ERBIN: variants seen among roughly 807,000 people sequenced by gnomAD.
ERBIN encodes densin-180-like protein.
A neutral mutation model predicts 158.4 loss-of-function variants in ERBIN; 60 were observed. The ratio of observed to expected loss-of-function variants is 0.38; its 90% CI spans 0.31 to 0.47. The LOEUF is 0.47. Among genes scored for constraint, ERBIN ranks in the 20% least tolerant of loss-of-function variants. The probability of loss-of-function intolerance (pLI) is 0.99; values close to 1 mark genes in which losing one functional copy is unlikely to be tolerated. For missense variants in ERBIN, 1,610 were observed against 1,648.0 expected (o/e 0.98, Z 0.40); for synonymous variants, 594 against 557.2 (o/e 1.07, Z -0.93).
intron 13 of ERBIN, among the ~76,000 whole-genome samples, chr5:66,027,625 G>A (rs1328917240): frequency 6.6e-6 from 1 of 151,794 alleles, no homozygotes. Flanking sequence ...ATTTTAATAG[G>A]TATTATAAGT....
At chr5:65,965,389 T>G (rs1177291761) in intron 1 of ERBIN, among the ~76,000 whole-genome samples, 129 of 5,554 alleles carry the variant, frequency 0.023, no homozygotes, top group African/African-American at 0.043. Flanking sequence ...GTTGTTTTTT[T>G]TTTTTTTTTT....
intron 1 of ERBIN, among the ~76,000 whole-genome samples, chr5:65,932,261 C>A (rs552017632): frequency 6.6e-6 from 1 of 150,676 alleles, no homozygotes; most frequent in South Asian, 2.1e-4. Context: ...ATTGCCTGAA[C>A]TCGGGAGGTG....
At position 65,967,598 on chromosome 5, in the gene ERBIN, G is replaced by A. The variant is rs116240792; in HGVS notation, c.-57-21037G>A. Among the ~76,000 whole-genome samples the A allele has an allele frequency of 6.3e-3, 964 of 152,282 alleles. 16 individuals carry two copies. Among genetic ancestry groups the A allele is most frequent in the African/African-American group, 0.022 (925 of 41,550 alleles). On this transcript the variant is annotated intron_variant, in intron 1 of 25. Transcript: ENST00000284037. Reference sequence around the variant, plus strand: ...GGTTATACCATCTAGGTTTCTGTAAGTAGACTCTGTGATGTTTGTACAATG... The same window carrying A: ...GGTTATACCATCTAGGTTTCTGTAAATAGACTCTGTGATGTTTGTACAATG...
intron 4 of ERBIN, among the ~76,000 whole-genome samples, chr5:66,003,697 T>G (rs1389997113): frequency 6.6e-6 from 1 of 152,144 alleles, no homozygotes; most frequent in African/African-American, 2.4e-5. Context: ...TGAAATAGTT[T>G]TGTTCAGCAG....
intron 1 of ERBIN, among the ~76,000 whole-genome samples, chr5:65,940,261 C>T (rs1328475586): frequency 1.3e-5 from 2 of 150,256 alleles, no homozygotes; most frequent in Non-Finnish European, 3.0e-5. Context: ...AGGTGAGGAG[C>T]GTCTCTGCCC....
At chr5:65,953,671 ATAGT>A (rs1445062495) in intron 1 of ERBIN, among the ~76,000 whole-genome samples, 1 of 152,228 alleles carries the variant, frequency 6.6e-6, no homozygotes, top group African/African-American at 2.4e-5. Flanking sequence ...GTTTTTCTTG[ATAGT>A]TCTACTTAAC....
intron 1 of ERBIN, among the ~76,000 whole-genome samples, chr5:65,949,233 T>C (rs1184109087): frequency 6.6e-6 from 1 of 151,640 alleles, no homozygotes; most frequent in Non-Finnish European, 1.5e-5. Context: ...ATAGATCTAC[T>C]TCTGGCACTT....
At chr5:65,977,884 C>G (rs1171090674) in intron 1 of ERBIN, among the ~76,000 whole-genome samples, 2 of 151,720 alleles carry the variant, frequency 1.3e-5, no homozygotes, top group Non-Finnish European at 2.9e-5. Context: ...ACTGAGTGAA[C>G]GAGACTCCGT....
intron 1 of ERBIN, among the ~76,000 whole-genome samples, chr5:65,935,233 G>A (rs386949): frequency 0.84 from 127,735 of 151,872 alleles, 54,346 homozygotes; most frequent in African/African-American, 0.91. Context: ...TTTTCAACCT[G>A]TGATATTTTT....
Position 66,044,425 on chromosome 5 carries a change from T to A in ERBIN, c.1602+115T>A. The A allele has an allele frequency of 7.1e-6, 7 of 981,562 alleles. No homozygotes were observed. The South Asian group carries it at 1.1e-4, about 15-fold the overall frequency. 60.8% of individuals were successfully genotyped at this position (981,562 alleles called of 1,614,324 possible). Reference sequence around the variant, plus strand: ...GAATGTGCAGTCATGCACCACAGAATGATATTTCGGTCGACATGCTCACAT... The same window carrying A: ...GAATGTGCAGTCATGCACCACAGAAAGATATTTCGGTCGACATGCTCACAT... On this transcript the variant is annotated intron_variant, in intron 17 of 25. Transcript: ENST00000284037.
At chr5:65,939,503 GCTCTCC>G (rs1321811872) in intron 1 of ERBIN, among the ~76,000 whole-genome samples, 3 of 150,316 alleles carry the variant, frequency 2.0e-5, no homozygotes, top group East Asian at 3.9e-4. Context: ...AGGTGCCTCC[GCTCTCC>G]CTCTCCCTCT....
At chr5:65,993,492 A>G (rs1426830359) in intron 3 of ERBIN, among the ~76,000 whole-genome samples, 7 of 151,948 alleles carry the variant, frequency 4.6e-5, no homozygotes, top group Non-Finnish European at 1.0e-4. Context: ...TTTTTTCACT[A>G]AACTTTTTTC....
rs1742855101 is a variant in ERBIN, at chr5:65,927,872, TTC to T, written c.-58+1067_-58+1068del. On this transcript the variant is annotated intron_variant, in intron 1 of 25. Coordinates refer to ENST00000284037, the MANE Select transcript of ERBIN (RefSeq NM_001253697.2). ...TGATAGCAGTAAACCCAAAGTTTTT[TTC>T]AGTGGTGTTTTAGTCTTTTTCTGTT... 2.0e-5 allele frequency among the ~76,000 whole-genome samples: 3 copies of T among 152,340 alleles called. No individual in the cohort carries two copies. In the South Asian group the frequency reaches 6.2e-4, roughly 32 times the overall value.
chr5:65,940,778 G>A (rs1206919430), intron 1 of ERBIN, among the ~76,000 whole-genome samples: 1 of 151,932 alleles, frequency 6.6e-6, no homozygotes, highest in Non-Finnish European at 1.5e-5. Flanking sequence ...GGGAAGTGAG[G>A]AGCCCCTCTG....
intron 1 of ERBIN, among the ~76,000 whole-genome samples, chr5:65,976,365 G>T (rs1031081611): frequency 6.6e-6 from 1 of 152,056 alleles, no homozygotes; most frequent in Non-Finnish European, 1.5e-5. Context: ...CCCAGCTACT[G>T]TGGAGGCTGA....
rs1752578714 is a variant in ERBIN, at chr5:65,997,674, GA to G, written c.307+2816del. Among the ~76,000 whole-genome samples the G allele has an allele frequency of 1.3e-5, 2 of 152,050 alleles. 1 individual carries two copies. The highest frequency in any genetic ancestry group is 4.2e-4 in the South Asian group (2 of 4,818). ...GTAATACTTCTTAATAAGAATTGGG[GA>G]AAAAACTTTATAAACAAGTCCCACC... On this transcript the variant is annotated intron_variant, in intron 4 of 25. Coordinates refer to ENST00000284037, the MANE Select transcript of ERBIN (RefSeq NM_001253697.2).
At chr5:66,011,938 C>T in intron 4 of ERBIN, 111 bp from the exon 5 acceptor site, 1 of 569,956 alleles carries the variant, frequency 1.8e-6, no homozygotes, top group East Asian at 2.8e-5. Flanking sequence ...TCATCTAGTT[C>T]CTTGTTAATT....
intron 7 of ERBIN, among the ~76,000 whole-genome samples, chr5:66,017,049 T>C (rs1754823319): frequency 1.3e-5 from 2 of 152,128 alleles, no homozygotes; most frequent in Admixed American, 6.5e-5. Flanking sequence ...TATGGCTGAA[T>C]AATATTCCAT....
At chr5:66,073,279 G>C (rs575043151) in intron 22 of ERBIN, among the ~76,000 whole-genome samples, 1 of 152,292 alleles carries the variant, frequency 6.6e-6, no homozygotes, top group Admixed American at 6.5e-5. Flanking sequence ...TGGTATAAAC[G>C]TAGAGAAAAT....
Sources: allele counts gnomAD v4.1 joint callset (sites outside exome capture counted in the v4.1 genomes callset), GRCh38; gene constraint gnomAD v4.1.1; transcripts MANE v1.5; gene names NCBI Gene and HGNC (gene_info 2026-07-23, HGNC 2026-07-21).